The following GLI3 variants were observed in gnomAD, a reference collection of about 807,000 sequenced individuals.
GLI3 encodes transcription activator GLI3.
Under a neutral mutation model 100.8 loss-of-function variants are expected in GLI3, and 20 were observed. The observed-to-expected ratio is 0.20, with a 90% CI of 0.14 to 0.29. The LOEUF (loss-of-function observed/expected upper bound fraction) is 0.29. GLI3 is among the 10% of genes least tolerant of loss of function. The probability of loss-of-function intolerance (pLI) is 1.00; values close to 1 mark genes in which losing one functional copy is unlikely to be tolerated. For missense variants in GLI3, 2,040 were observed against 2,128.5 expected, an observed-to-expected ratio of 0.96 and a Z score of 0.82; for synonymous variants, 938 against 860.5, an observed-to-expected ratio of 1.09 and a Z score of -1.58.
rs761585918 is a variant in GLI3 at position 41,964,302 on chromosome 7, G to A, written c.*28C>T. The A allele has an allele frequency of 8.1e-6, 13 of 1,605,774 alleles. 1 individual carries two copies. In the Admixed American group the frequency reaches 1.8e-4, roughly 23 times the overall value. ...ATCTCTTCAACTCCTATTGATTTCC[G>A]TTGGTTGCAGTCTTTTTTTCCTAAA... On this transcript the variant is annotated 3_prime_UTR_variant, in exon 15 of 15. Transcript: ENST00000395925.
At position 42,055,052 on chromosome 7, in the gene GLI3, C is replaced by CATAT. The variant is rs1408354295; in HGVS notation, c.474-6357_474-6356insATAT. ...ACATATATGTATACATATATATATA[C>CATAT]ACACACATATATGTATACATATATA... On this transcript the variant is annotated intron_variant, in intron 4 of 14. Transcript: ENST00000395925. 4.4e-3 allele frequency among the ~76,000 whole-genome samples: 582 copies of CATAT among 132,144 alleles called. 7 individuals carry two copies. The highest frequency in any genetic ancestry group is 0.013 in the African/African-American group (460 of 35,192). The allele number at this position is 132,144 out of a possible 152,430, so 86.7% of individuals were successfully genotyped here.
intron 3 of GLI3, among the ~76,000 whole-genome samples, chr7:42,078,792 C>T (rs1242964463): frequency 1.4e-5 from 2 of 144,852 alleles, no homozygotes; most frequent in Non-Finnish European, 3.0e-5. Context: ...TGCAGTGGCT[C>T]GATCTCGGCT....
intron 10 of GLI3, among the ~76,000 whole-genome samples, chr7:41,991,834 A>T (rs1202728171): frequency 6.6e-6 from 1 of 152,198 alleles, no homozygotes; most frequent in Non-Finnish European, 1.5e-5. Flanking sequence ...GAAGAGAGAT[A>T]CAGAGGCCCA....
intron 2 of GLI3, among the ~76,000 whole-genome samples, chr7:42,218,190 T>C (rs77604537): frequency 0.029 from 4,484 of 152,248 alleles, 207 homozygotes; most frequent in African/African-American, 0.1. Flanking sequence ...GAAAAAGGGT[T>C]GGACCTCTAT....
At chr7:42,236,229 T>A (rs1788789725) in intron 1 of GLI3, among the ~76,000 whole-genome samples, 1 of 152,134 alleles carries the variant, frequency 6.6e-6, no homozygotes, top group Non-Finnish European at 1.5e-5. Context: ...GTTTTCCCGC[T>A]GCTACTCAAG....
intron 3 of GLI3, among the ~76,000 whole-genome samples, chr7:42,129,797 G>A (rs1271759667): frequency 2.0e-5 from 3 of 151,984 alleles, no homozygotes; most frequent in Non-Finnish European, 4.4e-5. Flanking sequence ...GCGACAGACC[G>A]AGACTCCATC....
chr7:42,153,196 C>G (rs1243046845), intron 2 of GLI3, among the ~76,000 whole-genome samples: 1 of 152,068 alleles, frequency 6.6e-6, no homozygotes, highest in Non-Finnish European at 1.5e-5. Context: ...TTTCAAAGTC[C>G]TTTTTCCTCC....
In GLI3 at chr7:42,086,480, T is replaced by A. The variant is rs999126178; in HGVS notation, c.368-9623A>T. On this transcript the variant is annotated intron_variant, in intron 3 of 14. Coordinates refer to ENST00000395925, the MANE Select transcript of GLI3 (RefSeq NM_000168.6). ...CCCTCCCTTCTCCCAAAATGTATAG[T>A]AGCCCAAGATAGCCTCCCCACTCCA... Among the ~76,000 whole-genome samples the A allele has an allele frequency of 2.0e-5, 3 of 151,934 alleles. No individual in the cohort carries two copies. In the East Asian group the frequency reaches 5.8e-4, roughly 29 times the overall value.
At chr7:42,253,710 T>G (rs1027845710) in intron 1 of GLI3, among the ~76,000 whole-genome samples, 1 of 152,220 alleles carries the variant, frequency 6.6e-6, no homozygotes, top group African/African-American at 2.4e-5. Flanking sequence ...GTCCTAGGCC[T>G]TTGTTTACAT....
intron 2 of GLI3, among the ~76,000 whole-genome samples, chr7:42,197,880 T>G (rs1185024441): frequency 1.3e-5 from 2 of 152,046 alleles, no homozygotes; most frequent in Non-Finnish European, 2.9e-5. Context: ...CACGTTGATG[T>G]GTTTAAAGGG....
intron 2 of GLI3, among the ~76,000 whole-genome samples, chr7:42,199,822 G>A (rs1021079170): frequency 6.6e-6 from 1 of 152,168 alleles, no homozygotes; most frequent in Non-Finnish European, 1.5e-5. Flanking sequence ...TTGCGAGGTC[G>A]AGGCAGGCGG....
chr7:42,122,237 A>G (rs1056979233), intron 3 of GLI3, among the ~76,000 whole-genome samples: 1 of 134,810 alleles, frequency 7.4e-6, no homozygotes, highest in Non-Finnish European at 1.5e-5. Context: ...ATATATATGT[A>G]TTTTATTGAA....
chr7:41,965,660 T>G lies in GLI3; in HGVS notation c.3413A>C (p.His1138Pro), dbSNP rs1479547122. The G allele has an allele frequency of 1.2e-6, 2 of 1,612,576 alleles. No homozygotes were observed. The highest frequency in any genetic ancestry group is 2.2e-5 in the East Asian group (1 of 44,826). ...DFDAPGLPDS[H>P]AGQQFHALEQ... ...GAGGGCATGGAACTGCTGGCCAGCG[T>G]GGCTGTCTGGCAGCCCGGGCGCGTC... The change falls in exon 15 of 15, where the codon CAC becomes CCC. Residue 1138 changes from histidine (H) to proline (P), a missense_variant. By Grantham distance (77) the His-to-Pro change is moderately conservative. This residue lies in a region of GLI3 where 1,041 missense variants were observed against 924.0 expected (regional missense o/e 1.13). Coordinates refer to ENST00000395925, the MANE Select transcript of GLI3 (RefSeq NM_000168.6).
intron 2 of GLI3, among the ~76,000 whole-genome samples, chr7:42,175,373 T>G (rs1787458658): frequency 6.6e-6 from 1 of 152,194 alleles, no homozygotes; most frequent in South Asian, 2.1e-4. Flanking sequence ...ATCCCAGCAC[T>G]TTGGGAGGCC....
intron 13 of GLI3, among the ~76,000 whole-genome samples, chr7:41,970,425 C>T (rs1787334930): frequency 1.3e-5 from 2 of 152,052 alleles, no homozygotes; most frequent in South Asian, 4.2e-4. Flanking sequence ...CCTCACTAAG[C>T]CTCAGCTTCC....
At chr7:42,201,588 A>G (rs1235316594) in intron 2 of GLI3, among the ~76,000 whole-genome samples, 1 of 152,172 alleles carries the variant, frequency 6.6e-6, no homozygotes, top group African/African-American at 2.4e-5. Context: ...TCGTTAGGCA[A>G]TTTTGTTGTG....
At chr7:42,114,133 G>A (rs1214416534) in intron 3 of GLI3, among the ~76,000 whole-genome samples, 1 of 152,214 alleles carries the variant, frequency 6.6e-6, no homozygotes, top group Non-Finnish European at 1.5e-5. Flanking sequence ...TTTCTAGATT[G>A]TGGATCTTCA....
At position 42,160,457 on chromosome 7, in the gene GLI3, C is replaced by A. The variant is rs1014620283; in HGVS notation, c.125-11989G>T. Among the ~76,000 whole-genome samples the A allele has an allele frequency of 2.6e-5, 4 of 152,202 alleles. No homozygotes were observed. In the East Asian group the frequency reaches 7.7e-4, roughly 29 times the overall value. On this transcript the variant is annotated intron_variant, in intron 2 of 14. Transcript: ENST00000395925. ...CTTCACATACACCTCATATCCATAG[C>A]CTTGGGGTCACGGCATACAATATTT...
At chr7:42,205,176 G>C (rs982692193) in intron 2 of GLI3, among the ~76,000 whole-genome samples, 1 of 152,104 alleles carries the variant, frequency 6.6e-6, no homozygotes, top group Admixed American at 6.6e-5. Context: ...CTTTTTATAA[G>C]AATCCACCTC....
Sources: gnomAD v4.1 joint callset for allele counts (sites outside exome capture counted in the v4.1 genomes callset) on GRCh38, gnomAD v4.1.1 for gene constraint, gnomAD v4.1.1 regional missense constraint, MANE v1.5 for transcripts, NCBI Gene and HGNC (gene_info 2026-07-23, HGNC 2026-07-21) for gene names.